The following AGAP1 variants were observed in gnomAD, a reference collection of about 807,000 sequenced individuals.
AGAP1 encodes the protein ArfGAP with GTPase domain, ankyrin repeat and PH domain 1.
In AGAP1, 29 loss-of-function variants were observed where a neutral mutation model predicts 105.3. The observed-to-expected ratio is 0.28, with a 90% CI of 0.21 to 0.38. AGAP1 has a LOEUF of 0.38. Among genes scored for constraint, AGAP1 ranks in the 10% least tolerant of loss-of-function variants. The pLI is 1.00. For missense variants in AGAP1, 998 were observed against 1,165.1 expected (o/e 0.86, Z 2.09); for synonymous variants, 509 against 485.9 (o/e 1.05, Z -0.63).
chr2:235,629,880 A>AAG (rs1553589598), intron 1 of AGAP1, among the ~76,000 whole-genome samples: 17 of 151,054 alleles, frequency 1.1e-4, no homozygotes, highest in Middle Eastern at 3.4e-3. Context: ...AAAAAAAAAA[A>AAG]AAAGAAAGAA....
chr2:235,961,781 A>C lies in AGAP1; in HGVS notation c.1484-6681A>C, dbSNP rs2054198500. Among the ~76,000 whole-genome samples the C allele has an allele frequency of 6.6e-6, 1 of 152,162 alleles. No homozygotes were observed. Among genetic ancestry groups the C allele is most frequent in the Non-Finnish European group, 1.5e-5 (1 of 68,034 alleles). On this transcript the variant is annotated intron_variant, in intron 12 of 17. Coordinates refer to ENST00000304032, the MANE Select transcript of AGAP1 (RefSeq NM_001037131.3). The surrounding 1 kb of genome is among the most constrained non-coding windows in gnomAD (Gnocchi z 5.9). ...AATTAGCTGGGCGTGGTGCAGGAGA[A>C]TCTCTTGAACCCAGGAGGCAGAGGT...
chr2:235,731,421 C>T (rs564974826), intron 3 of AGAP1, among the ~76,000 whole-genome samples: 42 of 152,244 alleles, frequency 2.8e-4, no homozygotes, highest in African/African-American at 9.4e-4. Flanking sequence ...AAGCACTTGT[C>T]CAAGACGTGC....
At chr2:235,851,358 C>T (rs1575613288) in intron 9 of AGAP1, among the ~76,000 whole-genome samples, 1 of 152,246 alleles carries the variant, frequency 6.6e-6, no homozygotes, top group Non-Finnish European at 1.5e-5. Flanking sequence ...AGATGCTAAG[C>T]AAGGCCATCT....
chr2:236,000,291 G>A lies in AGAP1; in HGVS notation c.1645+31668G>A, dbSNP rs953481465. Among the ~76,000 whole-genome samples, 12 of 152,150 alleles carry A rather than the reference G, an allele frequency of 7.9e-5. No individual in the cohort carries two copies. Among genetic ancestry groups the A allele is most frequent in the Non-Finnish European group, 1.2e-4 (8 of 68,030 alleles). On this transcript the variant is annotated intron_variant, in intron 13 of 17. Transcript: ENST00000304032. The surrounding 1 kb of genome is among the most constrained non-coding windows in gnomAD (Gnocchi z 4.3). ...ATGAAGCCAGTTTTTTTCCTTATCAGCATCATAATGAAACAACGTGGGAGG... is the reference window on the plus strand; with the variant it reads ...ATGAAGCCAGTTTTTTTCCTTATCAACATCATAATGAAACAACGTGGGAGG...
At chr2:235,878,958 G>A (rs964706006) in intron 9 of AGAP1, among the ~76,000 whole-genome samples, 4 of 152,224 alleles carry the variant, frequency 2.6e-5, no homozygotes, top group East Asian at 1.9e-4. Flanking sequence ...TGAAGTTCAA[G>A]ACCAAAAGTG....
intron 2 of AGAP1, among the ~76,000 whole-genome samples, chr2:235,710,460 G>T (rs1351463913): frequency 6.6e-6 from 1 of 152,172 alleles, no homozygotes; most frequent in Admixed American, 6.5e-5. Context: ...CAACCGCGGG[G>T]TGTCATCAGC....
chr2:235,632,794 C>CT (rs1430371524), intron 1 of AGAP1, among the ~76,000 whole-genome samples: 1 of 151,956 alleles, frequency 6.6e-6, no homozygotes, highest in African/African-American at 2.4e-5. Context: ...GTTCATCAGC[C>CT]CGGTTTTCCT....
intron 1 of AGAP1, among the ~76,000 whole-genome samples, chr2:235,510,057 C>A (rs929017776): frequency 6.6e-6 from 1 of 152,220 alleles, no homozygotes; most frequent in Non-Finnish European, 1.5e-5. Context: ...CTCCTGTCCC[C>A]CCCAGCTGGG....
intron 9 of AGAP1, among the ~76,000 whole-genome samples, chr2:235,831,803 T>C (rs921541269): frequency 1.3e-5 from 2 of 152,224 alleles, no homozygotes; most frequent in Admixed American, 1.3e-4. Context: ...GGACCTAAGT[T>C]TTCAGCTCAT....
chr2:235,550,914 A>G lies in AGAP1; in HGVS notation c.163+56065A>G, dbSNP rs930884594. Among the ~76,000 whole-genome samples, 4 of 152,084 alleles carry G rather than the reference A, an allele frequency of 2.6e-5. No homozygotes were observed. Among genetic ancestry groups the G allele is most frequent in the African/African-American group, 9.7e-5 (4 of 41,414 alleles). ...CTCAGCCTCCTGAGTAGCTGGGACT[A>G]CAGGCGTGCACCACCACACCCAGCT... On this transcript the variant is annotated intron_variant, in intron 1 of 17. Transcript: ENST00000304032. The surrounding 1 kb of genome is among the most constrained non-coding windows in gnomAD (Gnocchi z 4.6).
intron 6 of AGAP1, among the ~76,000 whole-genome samples, chr2:235,784,809 C>A (rs1337174503): frequency 6.6e-6 from 1 of 152,112 alleles, no homozygotes; most frequent in Non-Finnish European, 1.5e-5. Context: ...AAGGGCAAAA[C>A]TTCCCCAGAG....
chr2:235,988,149 TC>T lies in AGAP1; in HGVS notation c.1645+19527del, dbSNP rs2055401289. 6.6e-6 allele frequency among the ~76,000 whole-genome samples: 1 copy of T among 152,128 alleles called. No homozygotes were observed. The highest frequency in any genetic ancestry group is 2.4e-5 in the African/African-American group (1 of 41,426). ...CCTCCACCTCCAAAGTTCAAGTGAT[TC>T]TCCTGCTTCAGCCTCCCGAGTAGAT... On this transcript the variant is annotated intron_variant, in intron 13 of 17. Transcript: ENST00000304032. This position sits in a 1 kb window ranked among gnomAD's most constrained non-coding sequence, Gnocchi z 4.7.
At chr2:235,603,492 C>T (rs140428217) in intron 1 of AGAP1, among the ~76,000 whole-genome samples, 7 of 152,162 alleles carry the variant, frequency 4.6e-5, no homozygotes, top group Admixed American at 2.6e-4. Context: ...TCGCAGTGCT[C>T]AATACATTAT....
chr2:235,899,744 T>C (rs2050975034), intron 10 of AGAP1, among the ~76,000 whole-genome samples: 1 of 152,156 alleles, frequency 6.6e-6, no homozygotes, highest in Admixed American at 6.5e-5. Context: ...TTCATTGTAA[T>C]GAGAGGCCTA....
In AGAP1 at chr2:235,700,872, ATATATT is replaced by A. The variant is rs987671851; in HGVS notation, c.164-8302_164-8297del. 6.8e-6 allele frequency among the ~76,000 whole-genome samples: 1 copy of A among 147,904 alleles called. No individual in the cohort carries two copies. The highest frequency in any genetic ancestry group is 1.5e-5 in the Non-Finnish European group (1 of 67,306). ...GTATATATTGTATACTCTACATAGT[ATATATT>A]TATAATATATGTATATAATGTATAA... On this transcript the variant is annotated intron_variant, in intron 1 of 17. Transcript: ENST00000304032. This position sits in a 1 kb window ranked among gnomAD's most constrained non-coding sequence, Gnocchi z 6.1.
At chr2:235,813,635 G>A (rs1201469224) in intron 9 of AGAP1, among the ~76,000 whole-genome samples, 1 of 152,236 alleles carries the variant, frequency 6.6e-6, no homozygotes, top group Non-Finnish European at 1.5e-5. Context: ...TCTAGGGCTG[G>A]GCGTTGACAG....
At position 235,639,016 on chromosome 2, in the gene AGAP1, C is replaced by T. The variant is rs958850453; in HGVS notation, c.164-70163C>T. On this transcript the variant is annotated intron_variant, in intron 1 of 17. Transcript: ENST00000304032. The surrounding 1 kb of genome is among the most constrained non-coding windows in gnomAD (Gnocchi z 5.3). ...GGGGGCAGAATCACCTGCTGAGACCCACTGGTTAAAATAGTGTCAGTAGGG... is the reference window on the plus strand; with the variant it reads ...GGGGGCAGAATCACCTGCTGAGACCTACTGGTTAAAATAGTGTCAGTAGGG... 6.6e-6 allele frequency among the ~76,000 whole-genome samples: 1 copy of T among 152,066 alleles called. No homozygotes were observed. The highest frequency in any genetic ancestry group is 1.5e-5 in the Non-Finnish European group (1 of 68,014).
intron 9 of AGAP1, among the ~76,000 whole-genome samples, chr2:235,827,137 C>G (rs1042608672): frequency 2.0e-5 from 3 of 152,238 alleles, no homozygotes; most frequent in Non-Finnish European, 4.4e-5. Flanking sequence ...TGAGAGGACA[C>G]AGCTGCAACG....
chr2:235,775,277 C>T (rs575039194), intron 6 of AGAP1, among the ~76,000 whole-genome samples: 17 of 152,212 alleles, frequency 1.1e-4, no homozygotes, highest in African/African-American at 3.4e-4. Flanking sequence ...TCACCCTCAA[C>T]GAAAGGAGGT....
Sources: allele counts gnomAD v4.1 joint callset (sites outside exome capture counted in the v4.1 genomes callset), GRCh38; gene constraint gnomAD v4.1.1; non-coding constraint Gnocchi (gnomAD v3.1); transcripts MANE v1.5; gene names NCBI Gene and HGNC (gene_info 2026-07-23, HGNC 2026-07-21).